The following TRMT5 variants were observed in gnomAD, a reference collection of about 807,000 sequenced individuals.
TRMT5 encodes the protein tRNA methyltransferase 5.
TRMT5 carries 31 observed loss-of-function variants against 42.2 expected under a neutral mutation model. The observed-to-expected ratio is 0.73, with a 90% CI of 0.55 to 0.99. TRMT5 has a LOEUF of 0.99. Ranked by LOEUF, TRMT5 falls within the 50% of genes least tolerant of loss-of-function variation. TRMT5 has a pLI of 0.00. For missense variants in TRMT5, 568 were observed against 595.0 expected (o/e 0.95, Z 0.47); for synonymous variants, 198 against 209.6 (o/e 0.94, Z 0.48).
Position 60,974,545 on chromosome 14 carries a change from G to T in TRMT5, c.*564C>A, listed in dbSNP as rs2036818589. 6.6e-6 allele frequency: 1 copy of T among 152,052 alleles called. No individual in the cohort carries two copies. Among genetic ancestry groups the T allele is most frequent in the South Asian group, 2.1e-4 (1 of 4,822 alleles). The allele number at this position is 152,052 out of a possible 1,614,324, so 9.4% of individuals were successfully genotyped here. A position where few individuals can be genotyped will look rare whatever the true frequency, so the allele number is the denominator to read the frequency against. ...TCATACAATTCTAATTTTTAAAACTGATACATAATAGATGTCATAAAATTT... is the reference window on the plus strand; with the variant it reads ...TCATACAATTCTAATTTTTAAAACTTATACATAATAGATGTCATAAAATTT... On this transcript the variant is annotated 3_prime_UTR_variant, in exon 5 of 5. Coordinates refer to ENST00000261249, the MANE Select transcript of TRMT5 (RefSeq NM_020810.3).
intron 1 of TRMT5, 135 bp downstream of exon 1, chr14:60,980,828 A>AAACT: frequency 7.3e-7 from 1 of 1,363,690 alleles, no homozygotes; most frequent in Middle Eastern, 1.8e-4. Flanking sequence ...CAGAACCTCG[A>AAACT]AACTAAGCTC....
At chr14:60,981,419 C>T, upstream of TRMT5, 1 of 1,555,746 alleles carries the variant, frequency 6.4e-7, no homozygotes, top group Non-Finnish European at 8.7e-7. Flanking sequence ...CGCTGACGCC[C>T]TCCGGCTTCC....
At chr14:60,975,383 GAACT>G in intron 4 of TRMT5, 88 bp downstream of exon 4, 3 of 1,480,988 alleles carry the variant, frequency 2.0e-6, no homozygotes, top group Non-Finnish European at 2.8e-6. Context: ...CTATTAGACT[GAACT>G]AATACTGCAT....
In TRMT5 at chr14:60,972,560, C is replaced by T; in HGVS notation, c.*2549G>A. 2.6e-6 allele frequency: 1 copy of T among 385,136 alleles called. No homozygotes were observed. The highest frequency in any genetic ancestry group is 2.0e-5 in the South Asian group (1 of 50,190). The allele number at this position is 385,136 out of a possible 1,614,324, so 23.9% of individuals were successfully genotyped here. A position where few individuals can be genotyped will look rare whatever the true frequency, so the allele number is the denominator to read the frequency against. ...TCCAGGGGTCGTTCTTGCCTCTTCT[C>T]CTTCACACTGCTCCCACGCTTTTTT... On this transcript the variant is annotated 3_prime_UTR_variant, in exon 5 of 5. Coordinates refer to ENST00000261249, the MANE Select transcript of TRMT5 (RefSeq NM_020810.3).
Position 60,972,423 on chromosome 14 carries a change from G to A in TRMT5, c.*2686C>T. On this transcript the variant is annotated 3_prime_UTR_variant, in exon 5 of 5. Transcript: ENST00000261249. ...TCTCTGTGATTCATCCTTCACCTTG[G>A]CTTTATCTCCTTTAGCATCCCCTTC... 1.9e-6 allele frequency: 1 copy of A among 532,630 alleles called. No homozygotes were observed. The allele number at this position is 532,630 out of a possible 1,614,324, so 33.0% of individuals were successfully genotyped here.
intron 3 of TRMT5, among the ~76,000 whole-genome samples, chr14:60,976,402 G>A (rs1443951348): frequency 6.6e-6 from 1 of 152,148 alleles, no homozygotes; most frequent in Non-Finnish European, 1.5e-5. Context: ...ATAGGGCCAT[G>A]GCCATAAAGT....
rs2036778263 is a variant in TRMT5, at chr14:60,971,862, G to A, written c.*3247C>T. 2 of 125,104 alleles carry A rather than the reference G, an allele frequency of 1.6e-5. No individual in the cohort carries two copies. Among genetic ancestry groups the A allele is most frequent in the South Asian group, 2.6e-4 (2 of 7,578 alleles). The allele number at this position is 125,104 out of a possible 1,614,324, so 7.7% of individuals were successfully genotyped here. The stretch of plus-strand genomic sequence containing the variant: ...GACCGGGGGTCAGGTCCCAACAGAT[G>A]TCTGGGCTTAAGGGGATTAAGTCTA... On this transcript the variant is annotated 3_prime_UTR_variant, in exon 5 of 5. Transcript: ENST00000261249.
At position 60,972,274 on chromosome 14, in the gene TRMT5, C is replaced by T. The variant is rs2036786191; in HGVS notation, c.*2835G>A. 1 of 533,794 alleles carries T rather than the reference C, an allele frequency of 1.9e-6. No homozygotes were observed. The highest frequency in any genetic ancestry group is 3.7e-6 in the Non-Finnish European group (1 of 267,320). The allele number at this position is 533,794 out of a possible 1,614,324, so 33.1% of individuals were successfully genotyped here. A position where few individuals can be genotyped will look rare whatever the true frequency, so the allele number is the denominator to read the frequency against. On this transcript the variant is annotated 3_prime_UTR_variant, in exon 5 of 5. Coordinates refer to ENST00000261249, the MANE Select transcript of TRMT5 (RefSeq NM_020810.3). ...TTGGGATCTCCAGCACCTTCCCGCT[C>T]CTTGCCAGCATCAGCTTTTCTCTTT...
chr14:60,979,600 T>C lies in TRMT5; in HGVS notation c.298A>G (p.Lys100Glu), dbSNP rs372756594. ...TTACTGACTATTTCTTTCCTCACTT[T>C]AAGCACTGGAATGTTGACTGTCTTT... is the stretch of plus-strand genomic sequence containing the variant. The part of the protein sequence containing the change: ...FKKTVNIPVL[K>E]VRKEIVSKLM... Residue 100 changes from lysine (K) to glutamate (E), a missense_variant, in exon 2 of 5, where the codon AAA becomes GAA. Lys to Glu is a moderately conservative substitution (Grantham distance 56). Coordinates refer to ENST00000261249, the MANE Select transcript of TRMT5 (RefSeq NM_020810.3). The C allele has an allele frequency of 1.1e-5, 17 of 1,614,082 alleles. No homozygotes were observed. The highest frequency in any genetic ancestry group is 1.4e-5 in the Non-Finnish European group (16 of 1,180,046).
intron 1 of TRMT5, 70 bp from the exon 2 acceptor site, chr14:60,979,956 A>T: frequency 2.8e-6 from 4 of 1,451,454 alleles, no homozygotes; most frequent in Non-Finnish European, 3.7e-6. Flanking sequence ...CTACTATCTC[A>T]AATAACGGGC....
At chr14:60,978,702 C>T (rs1362336699) in intron 2 of TRMT5, among the ~76,000 whole-genome samples, 1 of 152,106 alleles carries the variant, frequency 6.6e-6, no homozygotes, top group East Asian at 1.9e-4. Context: ...TACCCAGTCA[C>T]AATTACAAGG....
Position 60,972,503 on chromosome 14 carries a change from G to T in TRMT5, c.*2606C>A. 2.1e-6 allele frequency: 1 copy of T among 467,224 alleles called. No individual in the cohort carries two copies. The highest frequency in any genetic ancestry group is 4.3e-6 in the Non-Finnish European group (1 of 234,910). The allele number at this position is 467,224 out of a possible 1,614,324, so 28.9% of individuals were successfully genotyped here. A position where few individuals can be genotyped will look rare whatever the true frequency, so the allele number is the denominator to read the frequency against. On this transcript the variant is annotated 3_prime_UTR_variant, in exon 5 of 5. Transcript: ENST00000261249. ...CGGCGGCGGGATGTGGGCACCGGGT[G>T]TGGGACGCAGCAGCGCGCGGGCTTT...
rs189711537 is a variant in TRMT5, at chr14:60,979,489, G to A, written c.409C>T (p.Leu137=). Residue 137 remains leucine, a synonymous_variant, in exon 2 of 5, where the codon CTA becomes TTA. Coordinates refer to ENST00000261249, the MANE Select transcript of TRMT5 (RefSeq NM_020810.3). ...IEDPEDKESR[L]IMLDPYKIFT... The stretch of plus-strand genomic sequence containing the variant: ...ATTTTATAGGGATCCAACATGATTA[G>A]TCTACTTTCTTTATCTTCCGGATCT... 10 of 1,614,182 alleles carry A rather than the reference G, an allele frequency of 6.2e-6. No homozygotes were observed. In the Admixed American group the frequency reaches 1.2e-4, roughly 19 times the overall value.
chr14:60,976,668 C>T (rs527581038), intron 3 of TRMT5, among the ~76,000 whole-genome samples: 2 of 152,074 alleles, frequency 1.3e-5, no homozygotes, highest in African/African-American at 2.4e-5. Flanking sequence ...CTATGTTTTT[C>T]GACAGCTACT....
chr14:60,979,317 T>C lies in TRMT5; in HGVS notation c.581A>G (p.Gln194Arg). The C allele has an allele frequency of 1.2e-6, 2 of 1,614,146 alleles. No homozygotes were observed. Among genetic ancestry groups the C allele is most frequent in the South Asian group, 1.1e-5 (1 of 91,076 alleles). ...EILRAVLPEG[Q>R]DVTSGFSRIG... ...CCTGCTAAACCCTGAAGTTACATCT[T>C]GACCTTCAGGAAGCACAGCTCTCAA... is the stretch of plus-strand genomic sequence containing the variant. The change falls in exon 2 of 5, where the codon CAA becomes CGA. Residue 194 changes from glutamine (Q) to arginine (R), a missense_variant. Coordinates refer to ENST00000261249, the MANE Select transcript of TRMT5 (RefSeq NM_020810.3).
chr14:60,972,144 TAAAAA>T lies in TRMT5; in HGVS notation c.*2960_*2964del. 2.6e-6 allele frequency: 1 copy of T among 391,970 alleles called. No homozygotes were observed. Among genetic ancestry groups the T allele is most frequent in the Admixed American group, 3.3e-5 (1 of 30,704 alleles). The allele number at this position is 391,970 out of a possible 1,614,324, so 24.3% of individuals were successfully genotyped here. A position where few individuals can be genotyped will look rare whatever the true frequency, so the allele number is the denominator to read the frequency against. On this transcript the variant is annotated 3_prime_UTR_variant, in exon 5 of 5. Transcript: ENST00000261249. ...TGTTCTGTGTGCTAACAACATAGCTTAAAAAAAGTAAAACAAAATTCTGCATTTTT... is the reference window on the plus strand; with the variant it reads ...TGTTCTGTGTGCTAACAACATAGCTTAAGTAAAACAAAATTCTGCATTTTT...
At position 60,978,872 on chromosome 14, in the gene TRMT5, T is replaced by A. The variant is rs571850718; in HGVS notation, c.667+359A>T. ...AGTAAACATCTTGCACTTTTGACTA[T>A]AAAGTACCCAAATTTATGAAACCTA... On this transcript the variant is annotated intron_variant, in intron 2 of 4. Coordinates refer to ENST00000261249, the MANE Select transcript of TRMT5 (RefSeq NM_020810.3). Among the ~76,000 whole-genome samples the A allele has an allele frequency of 3.3e-5, 5 of 152,324 alleles. No individual in the cohort carries two copies. The South Asian group carries it at 1.0e-3, about 32-fold the overall frequency.
chr14:60,974,889 TA>T lies in TRMT5; in HGVS notation c.*219del. On this transcript the variant is annotated 3_prime_UTR_variant, in exon 5 of 5. Transcript: ENST00000261249. ...ATATTTATCCAATAAAAATTAGATA[TA>T]TTTTGTTATAAAATAATTGTATGTT... 1 of 279,954 alleles carries T rather than the reference TA, an allele frequency of 3.6e-6. No individual in the cohort carries two copies. The highest frequency in any genetic ancestry group is 6.7e-6 in the Non-Finnish European group (1 of 149,424). 17.3% of individuals were successfully genotyped at this position (279,954 alleles called of 1,614,324 possible). A position where few individuals can be genotyped will look rare whatever the true frequency, so the allele number is the denominator to read the frequency against.
At chr14:60,981,177 A>AG, upstream of TRMT5, 1 of 1,535,236 alleles carries the variant, frequency 6.5e-7, no homozygotes, top group Middle Eastern at 1.8e-4. Flanking sequence ...GAATGCCGGA[A>AG]GGGCCGGGCT....
Sources: allele counts gnomAD v4.1 joint callset (sites outside exome capture counted in the v4.1 genomes callset), GRCh38; gene constraint gnomAD v4.1.1; transcripts MANE v1.5; gene names NCBI Gene and HGNC (gene_info 2026-07-23, HGNC 2026-07-21).